HAAO: variants seen among roughly 807,000 people sequenced by gnomAD.
The protein encoded by HAAO is 3-hydroxyanthranilate 3,4-dioxygenase.
HAAO carries 49 observed loss-of-function variants against 46.2 expected under a neutral mutation model. The ratio of observed to expected loss-of-function variants is 1.06; its 90% CI spans 0.84 to 1.34. The LOEUF (loss-of-function observed/expected upper bound fraction) is 1.34. HAAO is among the 40% of genes most tolerant of loss of function. The probability of loss-of-function intolerance (pLI) is 0.00; values close to 1 mark genes in which losing one functional copy is unlikely to be tolerated. For synonymous variants in HAAO, 157 were observed against 145.2 expected, an observed-to-expected ratio of 1.08 and a Z score of -0.58; for missense variants, 408 against 364.5, an observed-to-expected ratio of 1.12 and a Z score of -0.97.
Position 42,792,437 on chromosome 2 carries a change from CA to C in HAAO, c.80+19del, listed in dbSNP as rs777653905. On this transcript the variant is annotated intron_variant, in intron 1 of 9. Coordinates refer to ENST00000294973, the MANE Select transcript of HAAO (RefSeq NM_012205.3). ...GGAGGAGGCGAGGGCAGGGGGCGGC[CA>C]TGGGGGTGCTGGACTCACATGAGCT... 2 of 1,476,350 alleles carry C rather than the reference CA, an allele frequency of 1.4e-6. No homozygotes were observed. Among genetic ancestry groups the C allele is most frequent in the African/African-American group, 2.9e-5 (2 of 69,286 alleles). The allele number at this position is 1,476,350 out of a possible 1,614,324, so 91.5% of individuals were successfully genotyped here. A position where few individuals can be genotyped will look rare whatever the true frequency, so the allele number is the denominator to read the frequency against.
intron 4 of HAAO, 145 bp from the exon 5 acceptor site, chr2:42,770,727 T>A (rs1357137239): frequency 3.7e-6 from 2 of 543,450 alleles, no homozygotes; most frequent in Non-Finnish European, 6.5e-6. Flanking sequence ...TGGTCACTGG[T>A]CACTTAACAC....
At chr2:42,771,852 C>T (rs1671154006) in intron 4 of HAAO, among the ~76,000 whole-genome samples, 1 of 152,268 alleles carries the variant, frequency 6.6e-6, no homozygotes, top group African/African-American at 2.4e-5. Flanking sequence ...TGCATCCACC[C>T]ACTTGGCAGC....
chr2:42,779,234 A>T (rs752459280), intron 4 of HAAO, among the ~76,000 whole-genome samples: 2 of 152,218 alleles, frequency 1.3e-5, no homozygotes, highest in Non-Finnish European at 2.9e-5. Context: ...TTGAAGCATT[A>T]ACTGACTCCT....
chr2:42,780,946 A>G (rs59861172), intron 4 of HAAO, among the ~76,000 whole-genome samples: 55,085 of 147,954 alleles, frequency 0.37, 11,353 homozygotes, highest in African/African-American at 0.52. Flanking sequence ...GCGTGGTGGC[A>G]GGCGCCTGTA....
intron 4 of HAAO, among the ~76,000 whole-genome samples, chr2:42,777,302 G>A (rs1395388135): frequency 1.7e-4 from 8 of 47,904 alleles, no homozygotes; most frequent in African/African-American, 6.3e-4. Context: ...GACTCTTATC[G>A]CAAAAAAAAA....
chr2:42,787,776 C>G (rs970485399), intron 2 of HAAO, among the ~76,000 whole-genome samples: 1 of 152,188 alleles, frequency 6.6e-6, no homozygotes, highest in South Asian at 2.1e-4. Flanking sequence ...GGGAGCCCCT[C>G]TACTGATCCT....
chr2:42,792,192 G>C (rs957120584), intron 1 of HAAO, among the ~76,000 whole-genome samples: 1 of 152,144 alleles, frequency 6.6e-6, no homozygotes, highest in Non-Finnish European at 1.5e-5. Context: ...TGGAAGGAGA[G>C]GTGCACCCTG....
rs1207624742 is a variant in HAAO, at chr2:42,783,777, G to A, written c.243+7C>T. On this transcript the variant is annotated splice_region_variant and intron_variant, in intron 3 of 9. Transcript: ENST00000294973. ...CTCTTCCCCACCCTGCTGGGATCCGGCCTCACCTCTCCCTGCCGAATGACC... is the reference window on the plus strand; with the variant it reads ...CTCTTCCCCACCCTGCTGGGATCCGACCTCACCTCTCCCTGCCGAATGACC... 1 of 1,609,160 alleles carries A rather than the reference G, an allele frequency of 6.2e-7. No homozygotes were observed. Among genetic ancestry groups the A allele is most frequent in the East Asian group, 2.2e-5 (1 of 44,826 alleles).
rs556252499 is a variant in HAAO at position 42,790,448 on chromosome 2, C to T, written c.81-1841G>A. 4.0e-5 allele frequency among the ~76,000 whole-genome samples: 6 copies of T among 151,506 alleles called. No homozygotes were observed. In the South Asian group the frequency reaches 6.3e-4, roughly 16 times the overall value. The stretch of plus-strand genomic sequence containing the variant: ...AAGCACTGGGGGTGAGCTTGGGGAA[C>T]GATTGAGAAGGCTGGTCCAGGAGGG... On this transcript the variant is annotated intron_variant, in intron 1 of 9. Transcript: ENST00000294973.
chr2:42,778,882 G>A (rs942982186), intron 4 of HAAO, among the ~76,000 whole-genome samples: 1 of 152,136 alleles, frequency 6.6e-6, no homozygotes, highest in Non-Finnish European at 1.5e-5. Flanking sequence ...GGGAGGCTGG[G>A]GTGGGTGGAT....
intron 4 of HAAO, among the ~76,000 whole-genome samples, chr2:42,772,347 G>A (rs544185112): frequency 3.9e-5 from 6 of 152,168 alleles, no homozygotes; most frequent in South Asian, 4.2e-4. Context: ...CAGACATGGT[G>A]GTGCATGTCT....
intron 1 of HAAO, among the ~76,000 whole-genome samples, chr2:42,789,389 G>A (rs888577938): frequency 6.6e-6 from 1 of 152,138 alleles, no homozygotes; most frequent in East Asian, 1.9e-4. Context: ...GGCCAACATG[G>A]TGAAACCCTG....
At chr2:42,789,909 G>A (rs901305423) in intron 1 of HAAO, among the ~76,000 whole-genome samples, 1 of 152,226 alleles carries the variant, frequency 6.6e-6, no homozygotes, top group Non-Finnish European at 1.5e-5. Context: ...TGTCTGTGTA[G>A]GGCTTCAGGG....
chr2:42,783,937 C>G (rs1434168320), intron 2 of HAAO, 70 bp from the exon 3 acceptor site: 1 of 1,554,432 alleles, frequency 6.4e-7, no homozygotes, highest in Non-Finnish European at 8.7e-7. Context: ...TGCCCAGGCC[C>G]TGAATTCTGA....
chr2:42,771,612 G>A (rs1671126037), intron 4 of HAAO, among the ~76,000 whole-genome samples: 1 of 152,174 alleles, frequency 6.6e-6, no homozygotes, highest in Non-Finnish European at 1.5e-5. Flanking sequence ...GACCCCTAAA[G>A]CCCACCCCAG....
chr2:42,790,688 C>T (rs985524616), intron 1 of HAAO, among the ~76,000 whole-genome samples: 6 of 152,030 alleles, frequency 3.9e-5, no homozygotes, highest in Non-Finnish European at 7.4e-5. Flanking sequence ...CGTGCCACCA[C>T]GCCCAGGTAA....
rs555173174 is a variant in HAAO at position 42,783,950 on chromosome 2, G to A, written c.160-83C>T. Reference sequence around the variant, plus strand: ...ACTGCCCAGGCCCTGAATTCTGACCGGGAAACCTGAGAAACTTTCTGAAGG... The same window carrying A: ...ACTGCCCAGGCCCTGAATTCTGACCAGGAAACCTGAGAAACTTTCTGAAGG... On this transcript the variant is annotated intron_variant, in intron 2 of 9. Transcript: ENST00000294973. The A allele has an allele frequency of 2.9e-5, 44 of 1,543,628 alleles. 1 individual carries two copies. The South Asian group carries it at 3.2e-4, about 11-fold the overall frequency.
chr2:42,768,034 C>T, intron 7 of HAAO, 106 bp from the exon 8 acceptor site: 1 of 933,856 alleles, frequency 1.1e-6, no homozygotes, highest in Non-Finnish European at 1.7e-6. Flanking sequence ...GGGTTGGGGC[C>T]CATGAAACAG....
chr2:42,776,564 C>A (rs80165772), intron 4 of HAAO, among the ~76,000 whole-genome samples: 1 of 151,112 alleles, frequency 6.6e-6, no homozygotes, highest in Non-Finnish European at 1.5e-5. Context: ...CTCCCTCTAG[C>A]ACCATCCGAC....
Sources: gnomAD v4.1 joint callset for allele counts (sites outside exome capture counted in the v4.1 genomes callset) on GRCh38, gnomAD v4.1.1 for gene constraint, MANE v1.5 for transcripts, NCBI Gene and HGNC (gene_info 2026-07-23, HGNC 2026-07-21) for gene names.